The following AGBL4 variants were observed in gnomAD, a reference collection of about 807,000 sequenced individuals.
The protein encoded by AGBL4 is cytosolic carboxypeptidase 6.
In AGBL4, 58 loss-of-function variants were observed where a neutral mutation model predicts 66.4. The ratio of observed to expected loss-of-function variants is 0.87; its 90% CI spans 0.71 to 1.09. The LOEUF (loss-of-function observed/expected upper bound fraction) is 1.09. Ranked by LOEUF, AGBL4 falls within the 50% of genes least tolerant of loss-of-function variation. The pLI, the probability that AGBL4 is intolerant of heterozygous loss-of-function variation, is 0.00. For synonymous variants in AGBL4, 234 were observed against 222.9 expected, an observed-to-expected ratio of 1.05 and a Z score of -0.44; for missense variants, 579 against 631.0, an observed-to-expected ratio of 0.92 and a Z score of 0.88.
chr1:49,649,861 C>T (rs1645966854), intron 3 of AGBL4, among the ~76,000 whole-genome samples: 1 of 152,006 alleles, frequency 6.6e-6, no homozygotes, highest in Admixed American at 6.6e-5. Flanking sequence ...TCCCCAAATA[C>T]TTGCAGATTA....
At chr1:49,072,154 G>T (rs1644618931) in intron 4 of AGBL4, among the ~76,000 whole-genome samples, 2 of 152,050 alleles carry the variant, frequency 1.3e-5, no homozygotes, top group South Asian at 4.2e-4. Context: ...CATAAGATGG[G>T]TCTCCTGAAT....
chr1:49,207,509 T>TC (rs1179931932), intron 4 of AGBL4, among the ~76,000 whole-genome samples: 47 of 151,470 alleles, frequency 3.1e-4, no homozygotes, highest in South Asian at 6.3e-4. Flanking sequence ...TTCTTTCTTT[T>TC]TCTTTCTTTC....
At chr1:49,148,295 G>A (rs1646259463) in intron 4 of AGBL4, among the ~76,000 whole-genome samples, 1 of 152,110 alleles carries the variant, frequency 6.6e-6, no homozygotes, top group Non-Finnish European at 1.5e-5. Context: ...GGTTTCCATG[G>A]TAGTCTCCAG....
intron 6 of AGBL4, among the ~76,000 whole-genome samples, chr1:48,735,974 G>A (rs1294102175): frequency 3.3e-5 from 5 of 152,104 alleles, no homozygotes; most frequent in Non-Finnish European, 7.4e-5. Context: ...CTCCCCTCCT[G>A]AGAACTCCCT....
chr1:49,914,932 T>C (rs1651244013), intron 1 of AGBL4, among the ~76,000 whole-genome samples: 1 of 152,164 alleles, frequency 6.6e-6, no homozygotes, highest in South Asian at 2.1e-4. Flanking sequence ...CCCACAATAA[T>C]GGCATTAATC....
At chr1:48,885,220 G>A (rs1185975394) in intron 5 of AGBL4, among the ~76,000 whole-genome samples, 2 of 152,144 alleles carry the variant, frequency 1.3e-5, no homozygotes, top group African/African-American at 4.8e-5. Context: ...TTTGTGACAT[G>A]TGGAAATTAT....
intron 5 of AGBL4, among the ~76,000 whole-genome samples, chr1:49,003,272 C>A (rs1402511592): frequency 2.6e-5 from 4 of 152,018 alleles, no homozygotes; most frequent in Admixed American, 1.3e-4. Context: ...GTGGCACATG[C>A]CTGTAATCCT....
intron 3 of AGBL4, among the ~76,000 whole-genome samples, chr1:49,592,624 G>C (rs1177515696): frequency 6.6e-6 from 1 of 152,020 alleles, no homozygotes; most frequent in African/African-American, 2.4e-5. Flanking sequence ...ATGTGAACAA[G>C]CATATGGAAA....
At chr1:49,310,419 C>G (rs1324176748) in intron 3 of AGBL4, among the ~76,000 whole-genome samples, 1 of 151,916 alleles carries the variant, frequency 6.6e-6, no homozygotes, top group African/African-American at 2.4e-5. Flanking sequence ...GTGGTTTGGA[C>G]TAGGGAAGCA....
rs1647008791 is a variant in AGBL4 at position 49,697,442 on chromosome 1, T to C, written c.158-5A>G. On this transcript the variant is annotated splice_region_variant and splice_polypyrimidine_tract_variant and intron_variant, in intron 2 of 13. Coordinates refer to ENST00000371839, the MANE Select transcript of AGBL4 (RefSeq NM_032785.4). ...GGTCCACCCGGCCCAGGTTACCTGG[T>C]AATAAAAATTAAGAGAATTGGATTT... 1.3e-6 allele frequency: 2 copies of C among 1,499,410 alleles called. No individual in the cohort carries two copies. Among genetic ancestry groups the C allele is most frequent in the Non-Finnish European group, 1.8e-6 (2 of 1,108,652 alleles). 92.9% of individuals were successfully genotyped at this position (1,499,410 alleles called of 1,614,324 possible). A position where few individuals can be genotyped will look rare whatever the true frequency, so the allele number is the denominator to read the frequency against.
chr1:49,262,485 AG>A (rs1405907193), intron 3 of AGBL4, among the ~76,000 whole-genome samples: 2 of 152,234 alleles, frequency 1.3e-5, no homozygotes, highest in African/African-American at 4.8e-5. Flanking sequence ...CCCATCAAAA[AG>A]TGGGCAAAGT....
intron 1 of AGBL4, among the ~76,000 whole-genome samples, chr1:49,876,230 C>T (rs1330243840): frequency 1.7e-5 from 2 of 116,194 alleles, no homozygotes; most frequent in African/African-American, 3.4e-5. Context: ...GAAGTCCTTG[C>T]CCACGCCTAT....
chr1:49,267,738 C>T (rs139116970), intron 3 of AGBL4, among the ~76,000 whole-genome samples: 2,528 of 152,160 alleles, frequency 0.017, 75 homozygotes, highest in African/African-American at 0.058. Flanking sequence ...GTTTAATGGA[C>T]TCACAGTTCC....
chr1:49,586,258 T>G (rs1156792820), intron 3 of AGBL4, among the ~76,000 whole-genome samples: 1 of 152,168 alleles, frequency 6.6e-6, no homozygotes, highest in Admixed American at 6.6e-5. Context: ...CTAAGACACC[T>G]CTCAGGAAAA....
chr1:48,867,177 C>T lies in AGBL4; in HGVS notation c.634+14G>A, dbSNP rs1204557479. Reference sequence around the variant, plus strand: ...TAAGGGAAAAGCAAAGGCAGAAGGGCCACGCCTACTCACCAGGGCTGGTTA... The same window carrying T: ...TAAGGGAAAAGCAAAGGCAGAAGGGTCACGCCTACTCACCAGGGCTGGTTA... On this transcript the variant is annotated intron_variant, in intron 6 of 13. Transcript: ENST00000371839. The T allele has an allele frequency of 1.2e-6, 2 of 1,612,994 alleles. No homozygotes were observed. The highest frequency in any genetic ancestry group is 1.3e-5 in the African/African-American group (1 of 74,906).
intron 1 of AGBL4, among the ~76,000 whole-genome samples, chr1:49,918,607 CA>C (rs1459665348): frequency 2.0e-5 from 3 of 151,980 alleles, no homozygotes; most frequent in African/African-American, 4.8e-5. Context: ...GCCTACCAAC[CA>C]AAAAAAGTCC....
intron 3 of AGBL4, among the ~76,000 whole-genome samples, chr1:49,366,338 C>T (rs770967384): frequency 5.9e-5 from 9 of 152,006 alleles, no homozygotes; most frequent in East Asian, 1.9e-4. Context: ...TCTTCCTATC[C>T]GCTATTGTAC....
intron 3 of AGBL4, among the ~76,000 whole-genome samples, chr1:49,511,850 A>T (rs974681213): frequency 6.6e-6 from 1 of 151,948 alleles, no homozygotes; most frequent in Admixed American, 6.6e-5. Context: ...TTGAAAAGTT[A>T]AAAGTTTCAG....
At chr1:49,100,125 G>A (rs989403746) in intron 4 of AGBL4, among the ~76,000 whole-genome samples, 1 of 152,094 alleles carries the variant, frequency 6.6e-6, no homozygotes, top group Non-Finnish European at 1.5e-5. Context: ...ACACTCCTGG[G>A]TTCAAACCTG....
Sources: allele counts gnomAD v4.1 joint callset (sites outside exome capture counted in the v4.1 genomes callset), GRCh38; gene constraint gnomAD v4.1.1; transcripts MANE v1.5; gene names NCBI Gene and HGNC (gene_info 2026-07-23, HGNC 2026-07-21).